The following WNK1 variants were observed in gnomAD, a reference collection of about 807,000 sequenced individuals.
WNK1 encodes the protein serine/threonine-protein kinase WNK1.
A neutral mutation model predicts 222.8 loss-of-function variants in WNK1; 38 were observed. The ratio of observed to expected loss-of-function variants is 0.17; its 90% CI spans 0.13 to 0.22. The LOEUF (loss-of-function observed/expected upper bound fraction) is 0.22. Among genes scored for constraint, WNK1 ranks in the 10% least tolerant of loss-of-function variants. The pLI, the probability that WNK1 is intolerant of heterozygous loss-of-function variation, is 1.00. For missense variants in WNK1, 2,348 were observed against 2,918.4 expected (o/e 0.80, Z 4.50); for synonymous variants, 1,090 against 1,092.9 (o/e 1.00, Z 0.05).
chr12:902,855 AAAAC>A (rs1955384466), intron 26 of WNK1, among the ~76,000 whole-genome samples: 2 of 152,256 alleles, frequency 1.3e-5, no homozygotes, highest in Admixed American at 6.5e-5. Flanking sequence ...AGAACAGTTT[AAAAC>A]AAACAAAAAC....
chr12:769,463 A>G (rs1355826129), intron 1 of WNK1, among the ~76,000 whole-genome samples: 3 of 152,108 alleles, frequency 2.0e-5, no homozygotes, highest in Non-Finnish European at 4.4e-5. Flanking sequence ...CAGCCTCCCA[A>G]AGTGCTGGGA....
intron 1 of WNK1, among the ~76,000 whole-genome samples, chr12:785,442 C>T (rs1944200019): frequency 2.1e-5 from 3 of 144,880 alleles, no homozygotes; most frequent in African/African-American, 7.6e-5. Context: ...CTCTGTCACC[C>T]AGAGCTGGAG....
rs190856291 is a variant in WNK1 at position 853,458 on chromosome 12, C to T, written c.1312-3703C>T. Among the ~76,000 whole-genome samples the T allele has an allele frequency of 1.1e-4, 17 of 152,220 alleles. 1 individual carries two copies. The highest frequency in any genetic ancestry group is 4.6e-4 in the Admixed American group (7 of 15,288). On this transcript the variant is annotated intron_variant, in intron 4 of 27. Transcript: ENST00000315939. Reference sequence around the variant, plus strand: ...TGATTGCCTTTATACTCAGAGGTAGCCTTGGGTCAGCAAACTTAATACTTC... The same window carrying T: ...TGATTGCCTTTATACTCAGAGGTAGTCTTGGGTCAGCAAACTTAATACTTC...
chr12:877,261 C>T (rs1952716322), intron 9 of WNK1, among the ~76,000 whole-genome samples: 1 of 152,044 alleles, frequency 6.6e-6, no homozygotes, highest in East Asian at 1.9e-4. Context: ...GATGGGGTTT[C>T]TCCATGTTGG....
At position 883,618 on chromosome 12, in the gene WNK1, A is replaced by G. The variant is rs779208816; in HGVS notation, c.3663+50A>G. 31 of 1,612,578 alleles carry G rather than the reference A, an allele frequency of 1.9e-5. No individual in the cohort carries two copies. In the South Asian group the frequency reaches 2.1e-4, roughly 11 times the overall value. ...AACTTTGTTGATTTAAAATATTTTC[A>G]TAGTTCTAAATTTGCTATGCAAAAT... On this transcript the variant is annotated intron_variant, in intron 16 of 27. Transcript: ENST00000315939.
chr12:850,527 C>T (rs973333613), intron 4 of WNK1, among the ~76,000 whole-genome samples: 50 of 137,600 alleles, frequency 3.6e-4, no homozygotes, highest in South Asian at 9.3e-4. Context: ...GTTGCCTGTT[C>T]ACTCTGATGG....
chr12:841,438 G>C (rs1949617444), intron 4 of WNK1, among the ~76,000 whole-genome samples: 1 of 152,172 alleles, frequency 6.6e-6, no homozygotes, highest in African/African-American at 2.4e-5. Context: ...GCATGTATCA[G>C]TACTTTTTAA....
rs1185728496 is a variant in WNK1, at chr12:827,274, G to A, written c.1153+12G>A. ...CAAGAGTGTGATAGGTATGTTTCAG[G>A]TGTACCTTGGAGCCTGACTGGCTTT... On this transcript the variant is annotated intron_variant, in intron 3 of 27. Coordinates refer to ENST00000315939, the MANE Select transcript of WNK1 (RefSeq NM_018979.4). The surrounding 1 kb of genome is among the most constrained non-coding windows in gnomAD (Gnocchi z 4.6). 3.1e-6 allele frequency: 5 copies of A among 1,610,988 alleles called. No homozygotes were observed. The highest frequency in any genetic ancestry group is 2.2e-5 in the South Asian group (2 of 90,998).
At chr12:851,774 A>G in intron 4 of WNK1, 2 of 1,345,038 alleles carry the variant, frequency 1.5e-6, no homozygotes, top group Non-Finnish European at 2.0e-6. Flanking sequence ...AAAGGATTGT[A>G]TAAATGAGGT....
At chr12:883,644 G>A in intron 16 of WNK1, 76 bp downstream of exon 16, 2 of 1,603,740 alleles carry the variant, frequency 1.2e-6, no homozygotes, top group East Asian at 2.2e-5. Context: ...TATGCAAAAT[G>A]TCCAGTGATA....
chr12:877,398 A>T (rs1592138214), intron 9 of WNK1, among the ~76,000 whole-genome samples: 1 of 152,096 alleles, frequency 6.6e-6, no homozygotes, highest in Non-Finnish European at 1.5e-5. Context: ...AAGGGGCAGT[A>T]CTCTAGGGGT....
intron 1 of WNK1, among the ~76,000 whole-genome samples, chr12:788,945 G>GT (rs1240072771): frequency 6.6e-6 from 1 of 152,122 alleles, no homozygotes; most frequent in Non-Finnish European, 1.5e-5. Context: ...AATATTAATA[G>GT]TTTAGACTTT....
rs5795952 is a variant in WNK1, at chr12:878,367, CTTT to C, written c.2373+19_2373+21del. 8 of 1,463,892 alleles carry C rather than the reference CTTT, an allele frequency of 5.5e-6. No individual in the cohort carries two copies. The highest frequency in any genetic ancestry group is 4.7e-5 in the South Asian group (4 of 85,522). 90.7% of individuals were successfully genotyped at this position (1,463,892 alleles called of 1,614,324 possible). On this transcript the variant is annotated splice_region_variant and intron_variant, in intron 10 of 27. Coordinates refer to ENST00000315939, the MANE Select transcript of WNK1 (RefSeq NM_018979.4). Reference sequence around the variant, plus strand: ...AAGTATCAGCTGGAAAACAGGTAAACTTTTTTTTTTTTTTTAAACAGGTAAACT... The same window carrying C: ...AAGTATCAGCTGGAAAACAGGTAAACTTTTTTTTTTTTAAACAGGTAAACT...
At chr12:901,593 G>T in intron 26 of WNK1, 1 of 1,289,098 alleles carries the variant, frequency 7.8e-7, no homozygotes, top group South Asian at 1.2e-5. Context: ...ATCTGAACAG[G>T]TGACATTCAA....
Position 900,515 on chromosome 12 carries a change from C to T in WNK1, c.6488C>T (p.Pro2163Leu). 6.2e-7 allele frequency: 1 copy of T among 1,614,140 alleles called. No homozygotes were observed. Among genetic ancestry groups the T allele is most frequent in the Non-Finnish European group, 8.5e-7 (1 of 1,180,020 alleles). ...CAGAGTGCAGCTTCAGTCTTGCACCCCCAGCAGACCCTCCACCCTCCTGGC... is the reference window on the plus strand; with the variant it reads ...CAGAGTGCAGCTTCAGTCTTGCACCTCCAGCAGACCCTCCACCCTCCTGGC... ...SGQSAASVLHPQQTLHPPGNI... is the reference protein window; with the variant it reads ...SGQSAASVLHLQQTLHPPGNI... The change falls in exon 26 of 28, where the codon CCC becomes CTC. Residue 2163 changes from proline (P) to leucine (L), a missense_variant. Around this residue, in one of 13 missense-constraint regions of WNK1, gnomAD observed 1,144 missense variants for 1,273.6 expected, o/e 0.90. Transcript: ENST00000315939.
rs564686033 is a variant in WNK1, at chr12:758,192, G to A, written c.759+3868G>A. ...GTTTCCACATCTACCTGAAAAGAGA[G>A]GTTAAATCATATTTTTGTTGAAGCT... On this transcript the variant is annotated intron_variant, in intron 1 of 27. Transcript: ENST00000315939. Among the ~76,000 whole-genome samples the A allele has an allele frequency of 2.1e-5, 3 of 146,194 alleles. 1 individual carries two copies. Among genetic ancestry groups the A allele is most frequent in the South Asian group, 2.2e-4 (1 of 4,494 alleles).
intron 1 of WNK1, among the ~76,000 whole-genome samples, chr12:804,807 C>G (rs1451302403): frequency 1.3e-5 from 2 of 151,840 alleles, no homozygotes; most frequent in African/African-American, 4.8e-5. Context: ...TAGACTCAGA[C>G]ATTATTTATC....
At chr12:823,501 A>G (rs1948079040) in intron 2 of WNK1, among the ~76,000 whole-genome samples, 1 of 151,928 alleles carries the variant, frequency 6.6e-6, no homozygotes, top group African/African-American at 2.4e-5. Context: ...CCTATTTTCA[A>G]GTTTATTGCC....
chr12:812,016 G>A (rs1020335289), intron 1 of WNK1, among the ~76,000 whole-genome samples: 2 of 152,190 alleles, frequency 1.3e-5, no homozygotes, highest in Non-Finnish European at 2.9e-5. Context: ...TTGTCATTCA[G>A]TGTATTCTCA....
Sources: gnomAD v4.1 joint callset for allele counts (sites outside exome capture counted in the v4.1 genomes callset) on GRCh38, gnomAD v4.1.1 for gene constraint, gnomAD v4.1.1 regional missense constraint, Gnocchi (gnomAD v3.1) non-coding constraint, MANE v1.5 for transcripts, NCBI Gene and HGNC (gene_info 2026-07-23, HGNC 2026-07-21) for gene names.